The following NPY2R variants were observed in gnomAD, a reference collection of about 807,000 sequenced individuals.
NPY2R encodes neuropeptide Y receptor type 2.
NPY2R carries 17 observed loss-of-function variants against 22.3 expected under a neutral mutation model. The ratio of observed to expected loss-of-function variants is 0.76; its 90% CI spans 0.52 to 1.14. The LOEUF (loss-of-function observed/expected upper bound fraction) is 1.14. NPY2R is among the 50% of genes most tolerant of loss of function. The pLI is 0.00. For synonymous variants in NPY2R, 209 were observed against 183.4 expected, an observed-to-expected ratio of 1.14 and a Z score of -1.13; for missense variants, 424 against 467.9, an observed-to-expected ratio of 0.91 and a Z score of 0.87.
the NPY2R span, among the ~76,000 whole-genome samples, chr4:155,174,495 T>A: frequency 1.2e-4 from 18 of 145,596 alleles, no homozygotes; most frequent in African/African-American, 4.1e-4. Flanking sequence ...TTTTTTTTTT[T>A]AAATCTCTAC....
Position 155,214,126 on chromosome 4 carries a change from C to T in NPY2R, c.187C>T (p.Leu63Phe). Residue 63 changes from leucine to phenylalanine, a missense_variant, in exon 2 of 2, where the codon CTT (leucine) becomes TTT (phenylalanine). Physicochemically the swap from Leu to Phe is conservative, Grantham distance 22. Coordinates refer to ENST00000329476, the MANE Select transcript of NPY2R (RefSeq NM_000910.4). ...ATTGGCCTACTGCTCCATCATCTTG[C>T]TTGGGGTAATTGGCAACTCCTTGGT... ...LILAYCSIIL[L>F]GVIGNSLVIH... 6.2e-7 allele frequency: 1 copy of T among 1,613,824 alleles called. No individual in the cohort carries two copies. The highest frequency in any genetic ancestry group is 1.1e-5 in the South Asian group (1 of 91,078).
At chr4:155,186,442 T>A in the NPY2R span, among the ~76,000 whole-genome samples, 1 of 152,184 alleles carries the variant, frequency 6.6e-6, no homozygotes, top group South Asian at 2.1e-4. Context: ...GTTCATTTTT[T>A]AATTTTTTGT....
At chr4:155,199,187 G>T in the NPY2R span, among the ~76,000 whole-genome samples, 5 of 151,880 alleles carry the variant, frequency 3.3e-5, no homozygotes, top group African/African-American at 1.2e-4. Flanking sequence ...TACTGGCAGA[G>T]AAATTTTTAG....
chr4:155,193,551 G>T, the NPY2R span, among the ~76,000 whole-genome samples: 156 of 151,974 alleles, frequency 1.0e-3, no homozygotes, highest in Non-Finnish European at 1.8e-3. Context: ...ATGGTGGGGT[G>T]GATAACTTGT....
the NPY2R span, chr4:155,174,060 T>TTGA: frequency 6.6e-6 from 1 of 152,014 alleles, no homozygotes; most frequent in East Asian, 1.9e-4. Context: ...CTGCAGTTTT[T>TTGA]TGACATCTGT....
At chr4:155,191,175 G>C in the NPY2R span, among the ~76,000 whole-genome samples, 1 of 151,820 alleles carries the variant, frequency 6.6e-6, no homozygotes, top group Admixed American at 6.6e-5. Context: ...GAAGAGAATG[G>C]AGATGCATTC....
chr4:155,196,229 T>G, the NPY2R span, among the ~76,000 whole-genome samples: 2 of 136,916 alleles, frequency 1.5e-5, no homozygotes, highest in Non-Finnish European at 3.4e-5. Flanking sequence ...TGCTTCTTCT[T>G]TTTTTCCCCA....
At chr4:155,196,151 C>G in the NPY2R span, among the ~76,000 whole-genome samples, 1 of 152,016 alleles carries the variant, frequency 6.6e-6, no homozygotes, top group Non-Finnish European at 1.5e-5. Flanking sequence ...AAATTACACT[C>G]CTTTTACATC....
upstream of NPY2R, among the ~76,000 whole-genome samples, chr4:155,204,682 T>C (rs1279670088): frequency 6.6e-6 from 1 of 152,022 alleles, no homozygotes; most frequent in African/African-American, 2.4e-5. Flanking sequence ...ATTAAGGAAA[T>C]GGAAATATGT....
At chr4:155,176,165 TA>T in the NPY2R span, among the ~76,000 whole-genome samples, 4 of 152,154 alleles carry the variant, frequency 2.6e-5, no homozygotes, top group Admixed American at 6.5e-5. Context: ...TTCCCTGCTA[TA>T]AAAACCCCCC....
chr4:155,212,635 A>T (rs1387352034), intron 1 of NPY2R, among the ~76,000 whole-genome samples: 1 of 152,224 alleles, frequency 6.6e-6, no homozygotes, highest in Non-Finnish European at 1.5e-5. Context: ...ATTAATTAAT[A>T]AATAAAAGCA....
chr4:155,183,372 A>G, the NPY2R span, among the ~76,000 whole-genome samples: 1 of 152,146 alleles, frequency 6.6e-6, no homozygotes, highest in Non-Finnish European at 1.5e-5. Flanking sequence ...TTATTTCCAA[A>G]TGACTTTGCA....
chr4:155,194,583 C>G, the NPY2R span, among the ~76,000 whole-genome samples: 1 of 151,928 alleles, frequency 6.6e-6, no homozygotes, highest in Non-Finnish European at 1.5e-5. Context: ...GATTTCATTC[C>G]TTTTTATGGC....
At position 155,215,499 on chromosome 4, in the gene NPY2R, T is replaced by C; in HGVS notation, c.*414T>C. 3.8e-6 allele frequency: 1 copy of C among 260,592 alleles called. No individual in the cohort carries two copies. The highest frequency in any genetic ancestry group is 8.0e-6 in the Non-Finnish European group (1 of 124,826). The allele number at this position is 260,592 out of a possible 1,614,324, so 16.1% of individuals were successfully genotyped here. On this transcript the variant is annotated 3_prime_UTR_variant, in exon 2 of 2. Coordinates refer to ENST00000329476, the MANE Select transcript of NPY2R (RefSeq NM_000910.4). ...GCAGTTCGCTGCTCCCTGCTTGGCT[T>C]ATGAAAACACCACTGAACAGAAATT...
upstream of NPY2R, among the ~76,000 whole-genome samples, chr4:155,203,946 C>T (rs1280892887): frequency 6.6e-6 from 1 of 152,136 alleles, no homozygotes; most frequent in Non-Finnish European, 1.5e-5. Flanking sequence ...GCTTTTCTTA[C>T]ATTACTGGAG....
chr4:155,196,049 A>T, the NPY2R span, among the ~76,000 whole-genome samples: 1 of 152,056 alleles, frequency 6.6e-6, no homozygotes, highest in African/African-American at 2.4e-5. Context: ...TAAAATGAAA[A>T]AAAATCATAA....
At position 155,216,372 on chromosome 4, in the gene NPY2R, C is replaced by T. The variant is rs1234136707; in HGVS notation, c.*1287C>T. On this transcript the variant is annotated 3_prime_UTR_variant, in exon 2 of 2. Coordinates refer to ENST00000329476, the MANE Select transcript of NPY2R (RefSeq NM_000910.4). The stretch of plus-strand genomic sequence containing the variant: ...GAATAAAATTGTTATTTCAATAGTA[C>T]CCAACCAAAGATGCTTAAAAACCTT... The T allele has an allele frequency of 6.0e-6, 1 of 166,370 alleles. No homozygotes were observed. Among genetic ancestry groups the T allele is most frequent in the Non-Finnish European group, 1.5e-5 (1 of 67,968 alleles). 10.3% of individuals were successfully genotyped at this position (166,370 alleles called of 1,614,324 possible).
At chr4:155,189,510 T>C in the NPY2R span, among the ~76,000 whole-genome samples, 70,801 of 151,796 alleles carry the variant, frequency 0.47, 17,222 homozygotes, top group East Asian at 0.69. Flanking sequence ...ACATAATTAA[T>C]TTTTAAAATG....
intron 1 of NPY2R, among the ~76,000 whole-genome samples, chr4:155,211,616 GT>G (rs1198154054): frequency 6.6e-6 from 1 of 152,168 alleles, no homozygotes; most frequent in Non-Finnish European, 1.5e-5. Context: ...AAGCATACAT[GT>G]ATGTTATTAT....
Sources: gnomAD v4.1 joint callset for allele counts (sites outside exome capture counted in the v4.1 genomes callset) on GRCh38, gnomAD v4.1.1 for gene constraint, MANE v1.5 for transcripts, NCBI Gene and HGNC (gene_info 2026-07-23, HGNC 2026-07-21) for gene names.